MX1: variants seen among roughly 807,000 people sequenced by gnomAD.
MX1 encodes interferon-induced GTP-binding protein Mx1.
MX1 carries 66 observed loss-of-function variants against 66.4 expected under a neutral mutation model. That is an observed-to-expected ratio of 0.99 (90% CI 0.82 to 1.22). The LOEUF (loss-of-function observed/expected upper bound fraction) is 1.22, where lower values mean the gene tolerates loss of function less well. Ranked by LOEUF, MX1 falls within the 50% of genes most tolerant of loss-of-function variation. The pLI, the probability that MX1 is intolerant of heterozygous loss-of-function variation, is 0.00. For synonymous variants in MX1, 311 were observed against 318.1 expected (o/e 0.98, Z 0.24); for missense variants, 787 against 834.3 (o/e 0.94, Z 0.70).
At chr21:41,443,746 T>C in intron 10 of MX1, 42 bp from the exon 11 acceptor site, 1 of 1,595,790 alleles carries the variant, frequency 6.3e-7, no homozygotes, top group South Asian at 1.1e-5. Context: ...ATGCGTGTTC[T>C]GGCTACATCA....
In MX1 at chr21:41,441,865, G is replaced by A. The variant is rs991994534; in HGVS notation, c.880G>A (p.Glu294Lys). Residue 294 changes from glutamate to lysine, a missense_variant, in exon 10 of 17, where the codon GAA (glutamate) becomes AAA (lysine). Coordinates refer to ENST00000398598, the MANE Select transcript of MX1 (RefSeq NM_002462.5). The surrounding 1 kb of genome is among the most constrained non-coding windows in gnomAD (Gnocchi z 4.0). ...GATCCAGGACCAGCTGAGCCTGTCC[G>A]AAGCCCTGCAGAGAGAGAAGATCTT... ...QEIQDQLSLS[E>K]ALQREKIFFE... 9.3e-6 allele frequency: 15 copies of A among 1,614,080 alleles called. No individual in the cohort carries two copies. The highest frequency in any genetic ancestry group is 8.9e-5 in the East Asian group (4 of 44,902).
In MX1 at chr21:41,441,688, T is replaced by G. The variant is rs760912795; in HGVS notation, c.731-28T>G. On this transcript the variant is annotated intron_variant, in intron 9 of 16. Coordinates refer to ENST00000398598, the MANE Select transcript of MX1 (RefSeq NM_002462.5). This position sits in a 1 kb window ranked among gnomAD's most constrained non-coding sequence, Gnocchi z 4.0. ...ACCTCTGCCTCGTGACTGAGCACGT[T>G]CTCTCCCCAAATACATCTGGCTCGC... The G allele has an allele frequency of 2.5e-6, 4 of 1,613,040 alleles. No individual in the cohort carries two copies. The African/African-American group carries it at 5.3e-5, about 22-fold the overall frequency.
At position 41,458,789 on chromosome 21, in the gene MX1, C is replaced by T. The variant is rs142831212; in HGVS notation, c.*31C>T. On this transcript the variant is annotated 3_prime_UTR_variant, in exon 17 of 17. Transcript: ENST00000398598. ...CTCTGTCCAGCCCCGTAGACGTGCACGCACACTGTCTGCCCCCGTTCCCGG... is the reference window on the plus strand; with the variant it reads ...CTCTGTCCAGCCCCGTAGACGTGCATGCACACTGTCTGCCCCCGTTCCCGG... 0.012 allele frequency: 19,391 copies of T among 1,594,536 alleles called. 153 individuals carry two copies. Among genetic ancestry groups the T allele is most frequent in the Non-Finnish European group, 0.013 (15,545 of 1,172,470 alleles).
intron 3 of MX1, chr21:41,429,536 C>G (rs1362304612): frequency 2.0e-5 from 3 of 152,148 alleles, no homozygotes; most frequent in African/African-American, 7.2e-5. Flanking sequence ...TGATATCGAG[C>G]CTGGGATGCC....
chr21:41,449,989 A>T (rs2090780108), intron 14 of MX1, among the ~76,000 whole-genome samples: 1 of 152,182 alleles, frequency 6.6e-6, no homozygotes, highest in Non-Finnish European at 1.5e-5. Context: ...ACCAGGCATC[A>T]TCTCTTCAAA....
At chr21:41,450,460 G>C (rs2090792174) in intron 14 of MX1, among the ~76,000 whole-genome samples, 1 of 152,142 alleles carries the variant, frequency 6.6e-6, no homozygotes, top group African/African-American at 2.4e-5. Flanking sequence ...CCTCAGAACA[G>C]CTCATTCAGA....
At chr21:41,445,248 G>A (rs1184396127) in intron 11 of MX1, among the ~76,000 whole-genome samples, 200 bp from the exon 12 acceptor site, 2 of 152,140 alleles carry the variant, frequency 1.3e-5, no homozygotes, top group Admixed American at 6.5e-5. Context: ...GAGTGGGGAA[G>A]GGGGAAGACC....
chr21:41,445,755 CA>C, intron 12 of MX1, 185 bp downstream of exon 12: 2 of 875,132 alleles, frequency 2.3e-6, no homozygotes, highest in South Asian at 3.5e-5. Context: ...GGGGTGGAGT[CA>C]GCAGCGAGGG....
rs746894454 is a variant in MX1 at position 41,445,481 on chromosome 21, GA to G, written c.1043del (p.Glu348GlyfsTer6). On this transcript the variant is annotated frameshift_variant, in exon 12 of 17. Coordinates refer to ENST00000398598, the MANE Select transcript of MX1 (RefSeq NM_002462.5). LOFTEE classifies it high-confidence loss of function. ...SLPLLENQIK[E>X]THQRITEELQ... is the part of the protein sequence containing the mutation. ...GCCCCTGTTAGAAAATCAAATCAAG[GA>G]GACTCACCAGAGAATAACAGAGGAG... 3.8e-5 allele frequency: 62 copies of G among 1,613,914 alleles called. No individual in the cohort carries two copies. Among genetic ancestry groups the G allele is most frequent in the Non-Finnish European group, 5.2e-5 (61 of 1,179,996 alleles).
intron 16 of MX1, among the ~76,000 whole-genome samples, chr21:41,457,184 C>G (rs2090980100): frequency 6.6e-6 from 1 of 152,186 alleles, no homozygotes; most frequent in South Asian, 2.1e-4. Context: ...CTATTTCTTG[C>G]TCAGCAAACA....
At chr21:41,421,633 C>T (rs566326834), upstream of MX1, among the ~76,000 whole-genome samples, 3 of 152,334 alleles carry the variant, frequency 2.0e-5, no homozygotes, top group Admixed American at 6.5e-5. Context: ...TAACAAAGCA[C>T]ATCTTGCACC....
intron 14 of MX1, among the ~76,000 whole-genome samples, chr21:41,450,714 C>A (rs34223646): frequency 0.35 from 52,375 of 151,792 alleles, 10,022 homozygotes; most frequent in African/African-American, 0.52. Flanking sequence ...CAATAAAATT[C>A]TGTGAGGAAG....
At chr21:41,425,047 G>A (rs1158701100), upstream of MX1, among the ~76,000 whole-genome samples, 3 of 152,214 alleles carry the variant, frequency 2.0e-5, no homozygotes, top group East Asian at 5.8e-4. Context: ...GCTTGCATCT[G>A]CAACTTGTTA....
At position 41,446,152 on chromosome 21, in the gene MX1, T is replaced by C. The variant is rs1277373772; in HGVS notation, c.1273+11T>C. 1 of 1,611,250 alleles carries C rather than the reference T, an allele frequency of 6.2e-7. No individual in the cohort carries two copies. The highest frequency in any genetic ancestry group is 1.7e-5 in the Admixed American group (1 of 59,826). ...ACAATTTTCAAGAAGGTGAGTGTCTTAGTCCCTTCTTTTGGGCTGCTACAA... is the reference window on the plus strand; with the variant it reads ...ACAATTTTCAAGAAGGTGAGTGTCTCAGTCCCTTCTTTTGGGCTGCTACAA... On this transcript the variant is annotated intron_variant, in intron 13 of 16. Coordinates refer to ENST00000398598, the MANE Select transcript of MX1 (RefSeq NM_002462.5).
intron 15 of MX1, 78 bp from the exon 16 acceptor site, chr21:41,452,543 C>A: frequency 1.3e-6 from 2 of 1,482,778 alleles, no homozygotes; most frequent in Admixed American, 2.1e-5. Context: ...CTGGTATTTA[C>A]GGACTTCTTA....
In MX1 at chr21:41,449,240, AC is replaced by A; in HGVS notation, c.1378del (p.Gln460SerfsTer17). 6.2e-7 allele frequency: 1 copy of A among 1,614,076 alleles called. No homozygotes were observed. The highest frequency in any genetic ancestry group is 8.5e-7 in the Non-Finnish European group (1 of 1,180,006). On this transcript the variant is annotated frameshift_variant, in exon 14 of 17. Transcript: ENST00000398598. LOFTEE classifies it high-confidence loss of function. ...ACAGGACATTTGAGACAATCGTGAA[AC>A]AGCAAATCAAGGCACTGGAAGAGCC... ...NYRTFETIVK[Q>X]QIKALEEPAV...
chr21:41,441,607 C>T lies in MX1; in HGVS notation c.731-109C>T, dbSNP rs913132851. ...TTCTGCAGGGGCTATGGCCTGTCCT[C>T]AAGCAAGGATGGGAGGAAACCCTGG... On this transcript the variant is annotated intron_variant, in intron 9 of 16. Coordinates refer to ENST00000398598, the MANE Select transcript of MX1 (RefSeq NM_002462.5). The surrounding 1 kb of genome is among the most constrained non-coding windows in gnomAD (Gnocchi z 4.0). 6.5e-5 allele frequency: 77 copies of T among 1,176,354 alleles called. No homozygotes were observed. The African/African-American group carries it at 1.0e-3, about 16-fold the overall frequency. The allele number at this position is 1,176,354 out of a possible 1,614,324, so 72.9% of individuals were successfully genotyped here. A position where few individuals can be genotyped will look rare whatever the true frequency, so the allele number is the denominator to read the frequency against.
chr21:41,452,880 G>A lies in MX1; in HGVS notation c.1758+11G>A, dbSNP rs539688950. 22 of 1,613,026 alleles carry A rather than the reference G, an allele frequency of 1.4e-5. No individual in the cohort carries two copies. The highest frequency in any genetic ancestry group is 5.3e-5 in the African/African-American group (4 of 74,918). On this transcript the variant is annotated intron_variant, in intron 16 of 16. Transcript: ENST00000398598. Reference sequence around the variant, plus strand: ...ATGGCCTATCACCAGGTACGTCTTCGCGTGGTTCAGGATGCCAGCTTCCAT... The same window carrying A: ...ATGGCCTATCACCAGGTACGTCTTCACGTGGTTCAGGATGCCAGCTTCCAT...
At chr21:41,433,743 C>T (rs2090286570) in intron 5 of MX1, among the ~76,000 whole-genome samples, 2 of 152,126 alleles carry the variant, frequency 1.3e-5, no homozygotes, top group Admixed American at 1.3e-4. Context: ...TGTGCAATGT[C>T]CTAAGTACTG....
Sources: gnomAD v4.1 joint callset for allele counts (sites outside exome capture counted in the v4.1 genomes callset) on GRCh38, gnomAD v4.1.1 for gene constraint, Gnocchi (gnomAD v3.1) non-coding constraint, MANE v1.5 for transcripts, NCBI Gene and HGNC (gene_info 2026-07-23, HGNC 2026-07-21) for gene names.